PACRG: variants seen among roughly 807,000 people sequenced by gnomAD.
PACRG encodes the protein parkin coregulated gene protein.
In PACRG, 29 loss-of-function variants were observed where a neutral mutation model predicts 29.7. The observed-to-expected ratio is 0.98, with a 90% CI of 0.73 to 1.33. PACRG has a LOEUF of 1.33. Ranked by LOEUF, PACRG falls within the 40% of genes most tolerant of loss-of-function variation. The pLI is 0.00. For missense variants in PACRG, 279 were observed against 316.2 expected, an observed-to-expected ratio of 0.88 and a Z score of 0.89; for synonymous variants, 116 against 118.7, an observed-to-expected ratio of 0.98 and a Z score of 0.15.
rs1489883286 is a variant in PACRG, at chr6:163,315,483, G to C, written c.*496G>C. ...ATGTGCTTTGACATTCAATAAAACT[G>C]TTGAATCTATATTCCAATTACAGCA... is the stretch of plus-strand genomic sequence containing the variant. On this transcript the variant is annotated 3_prime_UTR_variant, in exon 5 of 5. Coordinates refer to ENST00000366888, the MANE Select transcript of PACRG (RefSeq NM_001080379.2). 6.6e-6 allele frequency: 1 copy of C among 152,472 alleles called. No homozygotes were observed. Among genetic ancestry groups the C allele is most frequent in the African/African-American group, 2.4e-5 (1 of 41,438 alleles). The allele number at this position is 152,472 out of a possible 1,614,324, so 9.4% of individuals were successfully genotyped here.
rs544884767 is a variant in PACRG, at chr6:163,112,991, G to A, written c.613+23583G>A. Among the ~76,000 whole-genome samples the A allele has an allele frequency of 4.6e-5, 7 of 152,192 alleles. No individual in the cohort carries two copies. In the East Asian group the frequency reaches 1.2e-3, roughly 25 times the overall value. ...GATACTCAAAGAACTAAAAGAACAT[G>A]GGGAGGAAGTCAAGAAAACAATGTA... On this transcript the variant is annotated intron_variant, in intron 4 of 4. Transcript: ENST00000366888.
At chr6:162,880,411 T>C (rs1793734472) in intron 2 of PACRG, among the ~76,000 whole-genome samples, 1 of 152,204 alleles carries the variant, frequency 6.6e-6, no homozygotes, top group South Asian at 2.1e-4. Context: ...AACTCTAGCA[T>C]GTATTTCTGC....
At chr6:163,169,436 GAAAGA>G (rs1398414412) in intron 4 of PACRG, among the ~76,000 whole-genome samples, 1 of 152,188 alleles carries the variant, frequency 6.6e-6, no homozygotes, top group East Asian at 1.9e-4. Flanking sequence ...ACTGTGGGGC[GAAAGA>G]ACAAAGATAC....
At chr6:162,727,803 G>A, upstream of PACRG, 1 of 933,002 alleles carries the variant, frequency 1.1e-6, no homozygotes, top group Non-Finnish European at 1.6e-6. Context: ...CCCTAGGAAT[G>A]CGCACGCGCG....
chr6:162,746,556 A>G (rs929638649), intron 1 of PACRG, among the ~76,000 whole-genome samples: 1 of 152,336 alleles, frequency 6.6e-6, no homozygotes, highest in African/African-American at 2.4e-5. Context: ...TGGTACACAC[A>G]TTCACACAAA....
intron 2 of PACRG, among the ~76,000 whole-genome samples, chr6:162,962,481 C>T (rs1007177621): frequency 2.2e-4 from 33 of 152,094 alleles, no homozygotes; most frequent in Non-Finnish European, 4.0e-4. Context: ...AATGTGATAG[C>T]ATTTGGAAGT....
In PACRG at chr6:163,063,453, C is replaced by T. The variant is rs188711146; in HGVS notation, c.463+1132C>T. Reference sequence around the variant, plus strand: ...CTCACTGGCTCAGGTGAGCTCTTGCCGTGTGCTTTCATCAGAACAAGAACA... The same window carrying T: ...CTCACTGGCTCAGGTGAGCTCTTGCTGTGTGCTTTCATCAGAACAAGAACA... On this transcript the variant is annotated intron_variant, in intron 3 of 4. Transcript: ENST00000366888. 9.3e-4 allele frequency among the ~76,000 whole-genome samples: 142 copies of T among 152,274 alleles called. 2 individuals are homozygous for T. Among genetic ancestry groups the T allele is most frequent in the Admixed American group, 1.3e-3 (20 of 15,296 alleles).
chr6:163,205,429 A>G (rs1407767892), intron 4 of PACRG, among the ~76,000 whole-genome samples: 1 of 152,202 alleles, frequency 6.6e-6, no homozygotes. Flanking sequence ...CAACCATCTG[A>G]TCTTTGACAA....
At chr6:162,793,803 G>A (rs184072575) in intron 1 of PACRG, among the ~76,000 whole-genome samples, 154 of 152,164 alleles carry the variant, frequency 1.0e-3, no homozygotes, top group Non-Finnish European at 1.8e-3. Context: ...CGCAGAGAAG[G>A]GTCATTCCCC....
At chr6:162,932,074 A>G (rs1000441703) in intron 2 of PACRG, among the ~76,000 whole-genome samples, 1 of 152,054 alleles carries the variant, frequency 6.6e-6, no homozygotes, top group African/African-American at 2.4e-5. Context: ...ACTACTACTC[A>G]GCAATAAAAA....
intron 2 of PACRG, among the ~76,000 whole-genome samples, chr6:162,963,257 A>C (rs1298868315): frequency 6.6e-6 from 1 of 152,194 alleles, no homozygotes; most frequent in Non-Finnish European, 1.5e-5. Context: ...AACTCTACAT[A>C]ACAAAAGATT....
At chr6:163,278,931 C>G (rs1784141228) in intron 4 of PACRG, among the ~76,000 whole-genome samples, 2 of 152,110 alleles carry the variant, frequency 1.3e-5, no homozygotes, top group African/African-American at 2.4e-5. Flanking sequence ...GCAGTATGAT[C>G]ATTTTCACAA....
chr6:162,858,247 G>A (rs937909857), intron 2 of PACRG, among the ~76,000 whole-genome samples: 1 of 152,186 alleles, frequency 6.6e-6, no homozygotes, highest in Non-Finnish European at 1.5e-5. Context: ...CACGGTGGAA[G>A]GCAAAGGGGA....
At chr6:162,901,615 AAAAC>A (rs745676272) in intron 2 of PACRG, among the ~76,000 whole-genome samples, 1 of 152,258 alleles carries the variant, frequency 6.6e-6, no homozygotes, top group Non-Finnish European at 1.5e-5. Flanking sequence ...AACAACCTCA[AAAAC>A]AACGTATTCA....
At chr6:162,943,539 G>A (rs918635728) in intron 2 of PACRG, among the ~76,000 whole-genome samples, 29 of 152,132 alleles carry the variant, frequency 1.9e-4, no homozygotes, top group Admixed American at 1.3e-4. Flanking sequence ...CAGTGCAGCC[G>A]CTGGTTCCCC....
intron 2 of PACRG, among the ~76,000 whole-genome samples, chr6:162,816,346 T>G (rs1562626326): frequency 6.6e-6 from 1 of 152,088 alleles, no homozygotes; most frequent in African/African-American, 2.4e-5. Flanking sequence ...TTAAGATTAT[T>G]TTTTATTTTA....
At chr6:163,083,543 AACCTT>A in intron 3 of PACRG, among the ~76,000 whole-genome samples, 1 of 152,160 alleles carries the variant, frequency 6.6e-6, no homozygotes, top group Non-Finnish European at 1.5e-5. Flanking sequence ...GCGTGTCCTC[AACCTT>A]GGCAAAATAA....
intron 2 of PACRG, among the ~76,000 whole-genome samples, chr6:162,963,503 T>C (rs1030862839): frequency 2.6e-5 from 4 of 151,722 alleles, no homozygotes; most frequent in Non-Finnish European, 4.4e-5. Flanking sequence ...GTATGTCTAT[T>C]TGTGTCTATA....
At chr6:163,117,892 G>A (rs985665424) in intron 4 of PACRG, among the ~76,000 whole-genome samples, 13 of 152,128 alleles carry the variant, frequency 8.5e-5, no homozygotes, top group Non-Finnish European at 2.9e-5. Context: ...GTTCATGCTT[G>A]TTGTCTTACC....
Sources: gnomAD v4.1 joint callset for allele counts (sites outside exome capture counted in the v4.1 genomes callset) on GRCh38, gnomAD v4.1.1 for gene constraint, MANE v1.5 for transcripts, NCBI Gene and HGNC (gene_info 2026-07-23, HGNC 2026-07-21) for gene names.